Variants in PRDM10 observed in about 807,000 individuals in gnomAD.
PRDM10 encodes PR/SET domain 10.
PRDM10 carries 65 observed loss-of-function variants against 133.1 expected under a neutral mutation model. That is an observed-to-expected ratio of 0.49 (90% CI 0.40 to 0.60). The LOEUF (loss-of-function observed/expected upper bound fraction) is 0.60, where lower values mean the gene tolerates loss of function less well. Ranked by LOEUF, PRDM10 falls within the 20% of genes least tolerant of loss-of-function variation. The probability of loss-of-function intolerance (pLI) is 0.00; values close to 1 mark genes in which losing one functional copy is unlikely to be tolerated. For missense variants in PRDM10, 1,137 were observed against 1,507.1 expected (o/e 0.75, Z 4.07); for synonymous variants, 582 against 580.4 (o/e 1.00, Z -0.04).
chr11:129,917,069 A>G, intron 15 of PRDM10, 58 bp downstream of exon 15: 1 of 1,240,620 alleles, frequency 8.1e-7, no homozygotes, highest in Non-Finnish European at 1.2e-6. Context: ...AAATACGGAC[A>G]AGTCAGCTCT....
chr11:129,986,452 A>G (rs1938444867), intron 1 of PRDM10, among the ~76,000 whole-genome samples: 2 of 152,156 alleles, frequency 1.3e-5, no homozygotes, highest in Admixed American at 1.3e-4. Flanking sequence ...GCAGTGACAC[A>G]GTCTTGGCTC....
intron 1 of PRDM10, among the ~76,000 whole-genome samples, chr11:129,986,882 C>T (rs1484619993): frequency 6.6e-6 from 1 of 152,130 alleles, no homozygotes; most frequent in Non-Finnish European, 1.5e-5. Flanking sequence ...GTACACTGTG[C>T]AAATGAAAAC....
intron 1 of PRDM10, among the ~76,000 whole-genome samples, chr11:129,984,113 T>TGATGCCTCAC (rs1938267648): frequency 2.0e-5 from 3 of 152,180 alleles, no homozygotes; most frequent in Admixed American, 2.0e-4. Flanking sequence ...TGACTCCAGC[T>TGATGCCTCAC]GATGCCTCAC....
chr11:129,989,002 GA>G (rs1371415080), intron 1 of PRDM10, among the ~76,000 whole-genome samples: 8 of 152,208 alleles, frequency 5.3e-5, no homozygotes, highest in African/African-American at 1.4e-4. Context: ...CAGTAACTAT[GA>G]GAGAGACAAG....
intron 11 of PRDM10, among the ~76,000 whole-genome samples, chr11:129,930,220 A>G (rs1031567949): frequency 2.0e-5 from 3 of 152,256 alleles, no homozygotes; most frequent in Non-Finnish European, 4.4e-5. Flanking sequence ...TGTCTCTTTC[A>G]TCTACTGGAA....
rs138671345 is a variant in PRDM10 at position 129,923,967 on chromosome 11, G to T, written c.1879-564C>A. Among the ~76,000 whole-genome samples, 24 of 152,228 alleles carry T rather than the reference G, an allele frequency of 1.6e-4. No individual in the cohort carries two copies. Among genetic ancestry groups the T allele is most frequent in the Non-Finnish European group, 2.8e-4 (19 of 68,044 alleles). ...TACCGGTTTGTGAGAGCAATATGACGCTGGCGTCACTTCTCAACTGGGACT... is the reference window on the plus strand; with the variant it reads ...TACCGGTTTGTGAGAGCAATATGACTCTGGCGTCACTTCTCAACTGGGACT... On this transcript the variant is annotated intron_variant, in intron 12 of 20. Coordinates refer to ENST00000360871, the MANE Select transcript of PRDM10 (RefSeq NM_199437.2). This position sits in a 1 kb window ranked among gnomAD's most constrained non-coding sequence, Gnocchi z 4.4.
intron 1 of PRDM10, among the ~76,000 whole-genome samples, chr11:129,971,310 A>C (rs571284204): frequency 5.2e-4 from 79 of 152,212 alleles, no homozygotes; most frequent in African/African-American, 1.2e-3. Flanking sequence ...CTGGCCCCAC[A>C]CGCATCCTGC....
At chr11:129,951,494 C>G (rs1951581200) in intron 4 of PRDM10, among the ~76,000 whole-genome samples, 1 of 152,194 alleles carries the variant, frequency 6.6e-6, no homozygotes, top group South Asian at 2.1e-4. Context: ...TGAAGCAAAA[C>G]CATTTTAATC....
chr11:129,984,656 C>T (rs1004214924), intron 1 of PRDM10, among the ~76,000 whole-genome samples: 2 of 152,210 alleles, frequency 1.3e-5, no homozygotes, highest in Admixed American at 1.3e-4. Flanking sequence ...CTCTGCAAAT[C>T]TCTTCCCTTC....
chr11:129,922,346 T>C (rs1950544751), intron 13 of PRDM10, among the ~76,000 whole-genome samples: 1 of 152,122 alleles, frequency 6.6e-6, no homozygotes, highest in Non-Finnish European at 1.5e-5. Flanking sequence ...TTAGATATGA[T>C]TTTTTTTAAG....
At position 129,937,020 on chromosome 11, in the gene PRDM10, G is replaced by A. The variant is rs186957317; in HGVS notation, c.1039+578C>T. Among the ~76,000 whole-genome samples the A allele has an allele frequency of 2.2e-4, 34 of 152,322 alleles. 1 individual carries two copies. In the East Asian group the frequency reaches 6.4e-3, roughly 28 times the overall value. On this transcript the variant is annotated intron_variant, in intron 8 of 20. Coordinates refer to ENST00000360871, the MANE Select transcript of PRDM10 (RefSeq NM_199437.2). The stretch of plus-strand genomic sequence containing the variant: ...CAAAAGATGCCCAGGCACAAAAAGT[G>A]TACATATCATATAATTCTATTATGC...
intron 16 of PRDM10, 132 bp downstream of exon 16, chr11:129,915,528 G>A: frequency 2.0e-6 from 2 of 1,020,440 alleles, no homozygotes; most frequent in Non-Finnish European, 1.4e-6. Context: ...CAGTGACTAG[G>A]ACAACATCTC....
Position 129,902,073 on chromosome 11 carries a change from C to G in PRDM10, c.*240G>C. On this transcript the variant is annotated 3_prime_UTR_variant, in exon 21 of 21. Coordinates refer to ENST00000360871, the MANE Select transcript of PRDM10 (RefSeq NM_199437.2). ...AGAGCAAGGCAAATTCTCTCCACCTCGAAATCTACTTTCCCCTGAAAGATC... is the reference window on the plus strand; with the variant it reads ...AGAGCAAGGCAAATTCTCTCCACCTGGAAATCTACTTTCCCCTGAAAGATC... 2.0e-6 allele frequency: 1 copy of G among 502,206 alleles called. No individual in the cohort carries two copies. The highest frequency in any genetic ancestry group is 3.4e-6 in the Non-Finnish European group (1 of 290,088). The allele number at this position is 502,206 out of a possible 1,614,324, so 31.1% of individuals were successfully genotyped here.
intron 1 of PRDM10, among the ~76,000 whole-genome samples, chr11:129,980,647 C>T (rs562520275): frequency 6.6e-6 from 1 of 152,208 alleles, no homozygotes; most frequent in African/African-American, 2.4e-5. Context: ...TATTATTTGA[C>T]CACAACAAGG....
intron 1 of PRDM10, among the ~76,000 whole-genome samples, chr11:129,971,330 G>A (rs1200852668): frequency 1.3e-5 from 2 of 152,200 alleles, no homozygotes; most frequent in Admixed American, 1.3e-4. Flanking sequence ...CTGATTGGTA[G>A]AGCCCAGTGG....
chr11:129,909,327 G>A (rs1950111101), intron 19 of PRDM10, among the ~76,000 whole-genome samples: 1 of 151,818 alleles, frequency 6.6e-6, no homozygotes, highest in East Asian at 2.0e-4. Context: ...GCGGGTGCCT[G>A]TAATCCCAGC....
In PRDM10 at chr11:129,947,402, G is replaced by C. The variant is rs1951455372; in HGVS notation, c.295-32C>G. ...AAAAGTTGAAGGCACAGAGTAAGCA[G>C]ACATGGACACCTGCTTTTGGTTCGC... On this transcript the variant is annotated intron_variant, in intron 4 of 20. Transcript: ENST00000360871. This position sits in a 1 kb window ranked among gnomAD's most constrained non-coding sequence, Gnocchi z 4.6. 1 of 1,610,658 alleles carries C rather than the reference G, an allele frequency of 6.2e-7. No homozygotes were observed. The highest frequency in any genetic ancestry group is 8.5e-7 in the Non-Finnish European group (1 of 1,177,158).
In PRDM10 at chr11:129,958,037, G is replaced by A. The variant is rs114855709; in HGVS notation, c.70-127C>T. 2.3e-3 allele frequency: 2,486 copies of A among 1,087,936 alleles called. 45 individuals carry two copies. In the African/African-American group the frequency reaches 0.035, roughly 15 times the overall value. 67.4% of individuals were successfully genotyped at this position (1,087,936 alleles called of 1,614,324 possible). ...GGATGGATACACCTTTGTCTACACC[G>A]AGGTGGTGACTAGGGGAGGATGCAA... On this transcript the variant is annotated intron_variant, in intron 2 of 20. Coordinates refer to ENST00000360871, the MANE Select transcript of PRDM10 (RefSeq NM_199437.2).
chr11:129,939,343 C>T (rs751591909), intron 7 of PRDM10, among the ~76,000 whole-genome samples: 100 of 152,246 alleles, frequency 6.6e-4, no homozygotes, highest in African/African-American at 2.2e-3. Flanking sequence ...TTTATAAAGA[C>T]ATTTTATTTT....
Sources: allele counts gnomAD v4.1 joint callset (sites outside exome capture counted in the v4.1 genomes callset), GRCh38; gene constraint gnomAD v4.1.1; non-coding constraint Gnocchi (gnomAD v3.1); transcripts MANE v1.5; gene names NCBI Gene and HGNC (gene_info 2026-07-23, HGNC 2026-07-21).